ROBO2: variants seen among roughly 807,000 people sequenced by gnomAD.
ROBO2 encodes roundabout homolog 2.
Under a neutral mutation model 160.8 loss-of-function variants are expected in ROBO2, and 53 were observed. That is an observed-to-expected ratio of 0.33 (90% confidence interval 0.26 to 0.41). The LOEUF is 0.41. Among genes scored for constraint, ROBO2 ranks in the 10% least tolerant of loss-of-function variants. The pLI, the probability that ROBO2 is intolerant of heterozygous loss-of-function variation, is 1.00. For missense variants in ROBO2, 1,577 were observed against 1,722.4 expected (o/e 0.92, Z 1.49); for synonymous variants, 664 against 611.7 (o/e 1.09, Z -1.26).
chr3:76,514,568 G>A (rs2081259176), intron 2 of ROBO2, among the ~76,000 whole-genome samples: 1 of 152,106 alleles, frequency 6.6e-6, no homozygotes, highest in Admixed American at 6.5e-5. Context: ...TTGAACAAAT[G>A]TTGCCATTAT....
At chr3:76,160,577 A>G (rs890126378) in intron 2 of ROBO2, among the ~76,000 whole-genome samples, 3 of 152,154 alleles carry the variant, frequency 2.0e-5, no homozygotes, top group Non-Finnish European at 2.9e-5. Context: ...TGAATTATCC[A>G]TTTGTAAACT....
At chr3:76,488,060 A>G (rs1420295527) in intron 2 of ROBO2, among the ~76,000 whole-genome samples, 1 of 152,132 alleles carries the variant, frequency 6.6e-6, no homozygotes, top group Non-Finnish European at 1.5e-5. Flanking sequence ...CCATATAAAC[A>G]CGGGGAGTCA....
intron 2 of ROBO2, among the ~76,000 whole-genome samples, chr3:76,367,093 A>G (rs1261012121): frequency 6.6e-6 from 1 of 152,028 alleles, no homozygotes; most frequent in East Asian, 1.9e-4. Context: ...GTTCCTTTTA[A>G]TGTCAAAATA....
At chr3:76,280,023 C>G (rs1261922938) in intron 2 of ROBO2, among the ~76,000 whole-genome samples, 1 of 152,002 alleles carries the variant, frequency 6.6e-6, no homozygotes, top group Admixed American at 6.6e-5. Flanking sequence ...AATAACTTCA[C>G]TATCCCAGTT....
chr3:77,050,381 C>T (rs967094415), intron 1 of ROBO2, among the ~76,000 whole-genome samples: 2 of 152,226 alleles, frequency 1.3e-5, no homozygotes, highest in East Asian at 3.9e-4. Context: ...ATTACTCAAA[C>T]GCCAATTGTT....
At chr3:76,178,155 C>CT (rs2073296899) in intron 2 of ROBO2, among the ~76,000 whole-genome samples, 1 of 152,116 alleles carries the variant, frequency 6.6e-6, no homozygotes, top group South Asian at 2.1e-4. Context: ...ATATTATAGA[C>CT]TTTTTTCCTT....
At position 76,280,800 on chromosome 3, in the gene ROBO2, C is replaced by T. The variant is rs1708189834; in HGVS notation, c.109+343198C>T. 1.3e-5 allele frequency among the ~76,000 whole-genome samples: 2 copies of T among 151,972 alleles called. 1 individual carries two copies. Among genetic ancestry groups the T allele is most frequent in the South Asian group, 4.1e-4 (2 of 4,832 alleles). On this transcript the variant is annotated intron_variant, in intron 2 of 26. Transcript: ENST00000487694. ...TTGAGTTCTTCCCCAAAGAGCCTTT[C>T]TTTCCCTCAGTGTCTGGTTCAAAAT...
chr3:76,991,230 C>G (rs573237037), intron 2 of ROBO2, among the ~76,000 whole-genome samples: 2 of 152,250 alleles, frequency 1.3e-5, no homozygotes, highest in South Asian at 2.1e-4. Flanking sequence ...TATGCAGACC[C>G]TTATGGATTC....
exon 11 of ROBO2, chr3:77,563,241 G>C: frequency 6.2e-7 from 1 of 1,613,628 alleles, no homozygotes; most frequent in Non-Finnish European, 8.5e-7. Context: ...GCAGGTCACT[G>C]ATGTTACTAA....
At chr3:76,228,515 A>G (rs1388898537) in intron 2 of ROBO2, among the ~76,000 whole-genome samples, 1 of 152,242 alleles carries the variant, frequency 6.6e-6, no homozygotes, top group Non-Finnish European at 1.5e-5. Flanking sequence ...AAAAGTATAA[A>G]TTAAATACAT....
chr3:76,610,743 G>C (rs2088041809), intron 2 of ROBO2, among the ~76,000 whole-genome samples: 1 of 151,826 alleles, frequency 6.6e-6, no homozygotes, highest in Admixed American at 6.6e-5. Context: ...GCGAGCAGGA[G>C]CATGTCACAG....
At chr3:77,168,371 G>T (rs1223253307) in intron 2 of ROBO2, among the ~76,000 whole-genome samples, 1 of 152,140 alleles carries the variant, frequency 6.6e-6, no homozygotes, top group East Asian at 1.9e-4. Flanking sequence ...CTACTTTTAA[G>T]GAGTTATCTG....
intron 23 of ROBO2, chr3:77,632,356 T>C: frequency 2.7e-6 from 2 of 741,118 alleles, no homozygotes; most frequent in Middle Eastern, 7.2e-4. Flanking sequence ...GCTAAAGAAA[T>C]CATGATGAAA....
At chr3:76,141,060 C>CATATATATATATATATATATACATAT (rs55691222) in intron 2 of ROBO2, among the ~76,000 whole-genome samples, 1 of 53,578 alleles carries the variant, frequency 1.9e-5, no homozygotes, top group Non-Finnish European at 3.5e-5. Flanking sequence ...TTTTTACATA[C>CATATATATATATATATATATACATAT]ATATATATAT....
At chr3:77,415,634 C>T (rs2077156097) in intron 2 of ROBO2, among the ~76,000 whole-genome samples, 1 of 152,164 alleles carries the variant, frequency 6.6e-6, no homozygotes, top group African/African-American at 2.4e-5. Flanking sequence ...CTTGCACTAC[C>T]AACCCAGGGT....
intron 2 of ROBO2, among the ~76,000 whole-genome samples, chr3:76,503,367 A>G (rs1203590284): frequency 6.6e-6 from 1 of 152,192 alleles, no homozygotes; most frequent in Non-Finnish European, 1.5e-5. Context: ...TGAAACACCC[A>G]GAATTAATAC....
At chr3:77,194,980 G>T (rs1409674467) in intron 2 of ROBO2, among the ~76,000 whole-genome samples, 1 of 152,040 alleles carries the variant, frequency 6.6e-6, no homozygotes, top group Non-Finnish European at 1.5e-5. Context: ...TAATATAGGG[G>T]CAATGTAATT....
chr3:77,146,221 C>G (rs2077109684), intron 2 of ROBO2, among the ~76,000 whole-genome samples: 1 of 152,166 alleles, frequency 6.6e-6, no homozygotes, highest in African/African-American at 2.4e-5. Context: ...GCCCCCTGCT[C>G]CCAGCACCTG....
intron 2 of ROBO2, among the ~76,000 whole-genome samples, chr3:77,428,795 A>T (rs1426109449): frequency 1.3e-5 from 2 of 152,160 alleles, no homozygotes; most frequent in African/African-American, 2.4e-5. Context: ...AGTCATGTTG[A>T]TCTATTGCAT....
Sources: gnomAD v4.1 joint callset for allele counts (sites outside exome capture counted in the v4.1 genomes callset) on GRCh38, gnomAD v4.1.1 for gene constraint, MANE v1.5 for transcripts, NCBI Gene and HGNC (gene_info 2026-07-23, HGNC 2026-07-21) for gene names.